The following TPST2 variants were observed in gnomAD, a reference collection of about 807,000 sequenced individuals.
TPST2 encodes the protein tyrosylprotein sulfotransferase 2, also known as protein-tyrosine sulfotransferase 2.
A neutral mutation model predicts 27.8 loss-of-function variants in TPST2; 16 were observed. That is an observed-to-expected ratio of 0.58 (90% CI 0.39 to 0.88). The LOEUF (loss-of-function observed/expected upper bound fraction) is 0.88, where lower values mean the gene tolerates loss of function less well. Among genes scored for constraint, TPST2 ranks in the 40% least tolerant of loss-of-function variants. The pLI is 0.00. For missense variants in TPST2, 464 were observed against 543.1 expected (o/e 0.85, Z 1.45); for synonymous variants, 229 against 231.7 (o/e 0.99, Z 0.10).
chr22:26,529,835 G>A (rs569787568), intron 5 of TPST2, among the ~76,000 whole-genome samples: 2 of 152,016 alleles, frequency 1.3e-5, no homozygotes, highest in African/African-American at 4.8e-5. Flanking sequence ...TTTTTTGTAG[G>A]GAGATGGGGT....
At chr22:26,566,579 G>T (rs541860204) in intron 1 of TPST2, among the ~76,000 whole-genome samples, 2 of 151,194 alleles carry the variant, frequency 1.3e-5, no homozygotes, top group East Asian at 2.0e-4. Flanking sequence ...CAAAGAAAAA[G>T]AAAAAGAAAA....
chr22:26,552,013 C>G (rs1359177148), intron 1 of TPST2, among the ~76,000 whole-genome samples: 1 of 151,316 alleles, frequency 6.6e-6, no homozygotes, highest in Non-Finnish European at 1.5e-5. Context: ...TCTCAGCCTC[C>G]CAAGTAGCTA....
In TPST2 at chr22:26,528,202, C is replaced by CCA; in HGVS notation, c.*7+10_*7+11dup. 2 of 1,558,594 alleles carry CCA rather than the reference C, an allele frequency of 1.3e-6. No individual in the cohort carries two copies. The highest frequency in any genetic ancestry group is 2.4e-5 in the South Asian group (2 of 84,744). On this transcript the variant is annotated intron_variant, in intron 6 of 6. Transcript: ENST00000338754. ...AAGCAGCGGGAACCCCCAGTGAAGT[C>CCA]CACAGGCTTACCTGGAAATCACGAG... is the stretch of plus-strand genomic sequence containing the variant.
At chr22:26,550,575 G>A (rs1252892651) in intron 1 of TPST2, 2 of 985,350 alleles carry the variant, frequency 2.0e-6, no homozygotes, top group East Asian at 2.3e-4. Flanking sequence ...GCCAGCTCAG[G>A]AGGTCACTGC....
At position 26,549,355 on chromosome 22, in the gene TPST2, C is replaced by T. The variant is rs371609979; in HGVS notation, c.-160-4680G>A. Reference sequence around the variant, plus strand: ...GTGCCAACCCTAGCGTGGTGTCATGCGGCTCATAAAACAGGGGCAGCAGCC... The same window carrying T: ...GTGCCAACCCTAGCGTGGTGTCATGTGGCTCATAAAACAGGGGCAGCAGCC... On this transcript the variant is annotated intron_variant, in intron 1 of 6. Transcript: ENST00000338754. Among the ~76,000 whole-genome samples, 52 of 152,178 alleles carry T rather than the reference C, an allele frequency of 3.4e-4. 1 individual carries two copies. The highest frequency in any genetic ancestry group is 1.2e-3 in the African/African-American group (51 of 41,512).
rs1924722003 is a variant in TPST2, at chr22:26,524,457, T to C, written c.*1818A>G. Reference sequence around the variant, plus strand: ...AGGAGACCGAGGCTGCAGTGAGCTATGATCACGCCACTGTACTCTAGCCTG... The same window carrying C: ...AGGAGACCGAGGCTGCAGTGAGCTACGATCACGCCACTGTACTCTAGCCTG... On this transcript the variant is annotated 3_prime_UTR_variant, in exon 7 of 7. Transcript: ENST00000338754. 1.3e-5 allele frequency: 2 copies of C among 152,262 alleles called. No individual in the cohort carries two copies. The highest frequency in any genetic ancestry group is 1.3e-4 in the Admixed American group (2 of 15,274). The allele number at this position is 152,262 out of a possible 1,614,324, so 9.4% of individuals were successfully genotyped here.
intron 1 of TPST2, among the ~76,000 whole-genome samples, chr22:26,563,213 G>A (rs764829976): frequency 1.3e-5 from 2 of 152,114 alleles, no homozygotes; most frequent in African/African-American, 2.4e-5. Context: ...TTCTAGCACC[G>A]GGGCCAAATC....
intron 1 of TPST2, among the ~76,000 whole-genome samples, chr22:26,583,874 T>C (rs971985899): frequency 6.6e-6 from 1 of 152,140 alleles, no homozygotes; most frequent in Non-Finnish European, 1.5e-5. Flanking sequence ...GCAATGGAAC[T>C]GCTTATTCAG....
At chr22:26,544,026 C>T (rs732932) in intron 2 of TPST2, among the ~76,000 whole-genome samples, 62,796 of 151,954 alleles carry the variant, frequency 0.41, 13,542 homozygotes, top group Non-Finnish European at 0.46. Context: ...CTGGCATCCT[C>T]GCAGTGAGGA....
rs1298630589 is a variant in TPST2 at position 26,524,728 on chromosome 22, T to G, written c.*1547A>C. 3 of 152,218 alleles carry G rather than the reference T, an allele frequency of 2.0e-5. No homozygotes were observed. Among genetic ancestry groups the G allele is most frequent in the Admixed American group, 6.5e-5 (1 of 15,288 alleles). The allele number at this position is 152,218 out of a possible 1,614,324, so 9.4% of individuals were successfully genotyped here. On this transcript the variant is annotated 3_prime_UTR_variant, in exon 7 of 7. Transcript: ENST00000338754. ...CTTAACCCTTAAAGATACAAACTTATTGTAGGCCCAGTTGGTCCCTCAGCA... is the reference window on the plus strand; with the variant it reads ...CTTAACCCTTAAAGATACAAACTTAGTGTAGGCCCAGTTGGTCCCTCAGCA...
intron 1 of TPST2, among the ~76,000 whole-genome samples, chr22:26,572,888 TC>T (rs747462492): frequency 3.9e-5 from 6 of 152,138 alleles, no homozygotes; most frequent in Non-Finnish European, 7.3e-5. Flanking sequence ...ATAAGTTTCC[TC>T]AGATATCAGG....
chr22:26,570,498 G>A (rs951317386), intron 1 of TPST2, among the ~76,000 whole-genome samples: 3 of 152,062 alleles, frequency 2.0e-5, no homozygotes, highest in Non-Finnish European at 4.4e-5. Context: ...CTTATGCGGG[G>A]CCAAACCCAG....
intron 1 of TPST2, among the ~76,000 whole-genome samples, chr22:26,553,777 C>A (rs1926624274): frequency 6.6e-6 from 1 of 152,166 alleles, no homozygotes; most frequent in African/African-American, 2.4e-5. Flanking sequence ...ATAAAACCTA[C>A]ACGTATCCTC....
At chr22:26,555,108 A>G in intron 1 of TPST2, 1 of 525,070 alleles carries the variant, frequency 1.9e-6, no homozygotes. Context: ...TGGAAGAGGC[A>G]AGGTGGAGCT....
intron 1 of TPST2, among the ~76,000 whole-genome samples, chr22:26,551,485 G>C (rs1926465293): frequency 6.6e-6 from 1 of 152,168 alleles, no homozygotes; most frequent in Non-Finnish European, 1.5e-5. Flanking sequence ...ATGCAGCTGG[G>C]AGGCAGGGGA....
chr22:26,586,461 G>C (rs572529778), intron 1 of TPST2, among the ~76,000 whole-genome samples: 2 of 151,984 alleles, frequency 1.3e-5, no homozygotes, highest in Non-Finnish European at 2.9e-5. Flanking sequence ...TGTTATTCAG[G>C]CTGGTCTCAA....
chr22:26,563,220 A>C (rs1927210918), intron 1 of TPST2, among the ~76,000 whole-genome samples: 1 of 152,168 alleles, frequency 6.6e-6, no homozygotes. Context: ...ACCGGGGCCA[A>C]ATCAGTAAAC....
In TPST2 at chr22:26,533,821, C is replaced by T. The variant is rs920580406; in HGVS notation, c.1042-1076G>A. ...TTCTGAGTAGCTGGGACTATAGGCA[C>T]GTGCCACCATGCCTGGCTAATATTC... On this transcript the variant is annotated intron_variant, in intron 4 of 6. Coordinates refer to ENST00000338754, the MANE Select transcript of TPST2 (RefSeq NM_003595.5). 1.5e-4 allele frequency among the ~76,000 whole-genome samples: 23 copies of T among 152,114 alleles called. No homozygotes were observed. In the East Asian group the frequency reaches 1.7e-3, roughly 12 times the overall value.
At chr22:26,572,919 C>T (rs371603825) in intron 1 of TPST2, among the ~76,000 whole-genome samples, 1 of 152,046 alleles carries the variant, frequency 6.6e-6, no homozygotes, top group East Asian at 1.9e-4. Flanking sequence ...AAAAAGAATG[C>T]GTTTTGCAGA....
Sources: gnomAD v4.1 joint callset for allele counts (sites outside exome capture counted in the v4.1 genomes callset) on GRCh38, gnomAD v4.1.1 for gene constraint, MANE v1.5 for transcripts, NCBI Gene and HGNC (gene_info 2026-07-23, HGNC 2026-07-21) for gene names.